The following KCNAB1 variants were observed in gnomAD, a reference collection of about 807,000 sequenced individuals.
KCNAB1 encodes the protein voltage-gated potassium channel subunit beta-1.
In KCNAB1, 35 loss-of-function variants were observed where a neutral mutation model predicts 64.6. That is an observed-to-expected ratio of 0.54 (90% CI 0.41 to 0.72). KCNAB1 has a LOEUF of 0.72. Ranked by LOEUF, KCNAB1 falls within the 30% of genes least tolerant of loss-of-function variation. The probability of loss-of-function intolerance (pLI) is 0.00; values close to 1 mark genes in which losing one functional copy is unlikely to be tolerated. For synonymous variants in KCNAB1, 177 were observed against 183.8 expected (o/e 0.96, Z 0.30); for missense variants, 401 against 512.9 (o/e 0.78, Z 2.11).
At chr3:156,181,141 A>G (rs935256922) in intron 1 of KCNAB1, among the ~76,000 whole-genome samples, 2 of 152,172 alleles carry the variant, frequency 1.3e-5, no homozygotes, top group African/African-American at 4.8e-5. Flanking sequence ...TTTTAATTTA[A>G]TTACCTCTTT....
chr3:156,418,145 C>A (rs1393015548), intron 1 of KCNAB1, among the ~76,000 whole-genome samples: 1 of 152,116 alleles, frequency 6.6e-6, no homozygotes, highest in Non-Finnish European at 1.5e-5. Flanking sequence ...TGCAGTGAAA[C>A]AATTTTGAAT....
intron 8 of KCNAB1, among the ~76,000 whole-genome samples, chr3:156,490,231 C>G (rs1363411694): frequency 6.6e-6 from 1 of 152,014 alleles, no homozygotes; most frequent in East Asian, 1.9e-4. Flanking sequence ...TTAACTGTCC[C>G]AGGAAAAATT....
chr3:156,233,898 G>A (rs1716689925), intron 1 of KCNAB1, among the ~76,000 whole-genome samples: 1 of 151,986 alleles, frequency 6.6e-6, no homozygotes, highest in Admixed American at 6.6e-5. Flanking sequence ...TGGGAAAAGA[G>A]TTAGAGTAGG....
chr3:156,279,282 C>A (rs1387693213), intron 1 of KCNAB1, among the ~76,000 whole-genome samples: 1 of 151,840 alleles, frequency 6.6e-6, no homozygotes, highest in African/African-American at 2.4e-5. Context: ...CATGTCCCTA[C>A]AAAGGACATG....
At chr3:156,280,982 C>T (rs1470112268) in intron 1 of KCNAB1, among the ~76,000 whole-genome samples, 3 of 151,018 alleles carry the variant, frequency 2.0e-5, no homozygotes, top group Middle Eastern at 3.5e-3. Context: ...ATTGCCCTGG[C>T]CAGAACTTCC....
intron 1 of KCNAB1, among the ~76,000 whole-genome samples, chr3:156,147,171 GC>G (rs1348969806): frequency 3.3e-5 from 5 of 152,174 alleles, no homozygotes; most frequent in African/African-American, 9.7e-5. Flanking sequence ...GTGCTTTCCA[GC>G]AGCATTAAAT....
At chr3:156,480,532 A>T (rs540796661) in intron 8 of KCNAB1, among the ~76,000 whole-genome samples, 11 of 147,122 alleles carry the variant, frequency 7.5e-5, no homozygotes, top group Middle Eastern at 3.5e-3. Context: ...GTATTTCTGA[A>T]CTTAAAGTAA....
Position 156,120,777 on chromosome 3 carries a change from A to G in KCNAB1, c.166A>G (p.Arg56Gly). 6.2e-7 allele frequency: 1 copy of G among 1,613,902 alleles called. No individual in the cohort carries two copies. Among genetic ancestry groups the G allele is most frequent in the Non-Finnish European group, 8.5e-7 (1 of 1,179,736 alleles). The change falls in exon 1 of 14, where the codon AGG (arginine) becomes GGG (glycine). Residue 56 changes from arginine (R) to glycine (G), a missense_variant. Arg to Gly is a moderately radical substitution (Grantham distance 125). Transcript: ENST00000490337. ...TAGTCCCTCAGGGGAAAGCCAGCTC[A>G]GGGCGCGTCAACTGGCTCTGCTGCG... The part of the protein sequence containing the change: ...SLSPSGESQL[R>G]ARQLALLREV...
chr3:156,438,583 C>T (rs899133319), intron 2 of KCNAB1, among the ~76,000 whole-genome samples: 3 of 152,176 alleles, frequency 2.0e-5, no homozygotes, highest in Non-Finnish European at 4.4e-5. Flanking sequence ...ACTTCTGCTA[C>T]TTCATATATT....
chr3:156,162,936 A>G (rs1486879105), intron 1 of KCNAB1, among the ~76,000 whole-genome samples: 1 of 152,222 alleles, frequency 6.6e-6, no homozygotes, highest in East Asian at 1.9e-4. Context: ...CACAAAGCCA[A>G]TTATATAATT....
intron 1 of KCNAB1, among the ~76,000 whole-genome samples, chr3:156,151,879 T>C (rs1436109439): frequency 6.6e-6 from 1 of 152,232 alleles, no homozygotes; most frequent in African/African-American, 2.4e-5. Flanking sequence ...GATGGCAATA[T>C]TTTGTTGTCA....
chr3:156,208,596 AGT>A (rs1297011457), intron 1 of KCNAB1, among the ~76,000 whole-genome samples: 2 of 152,090 alleles, frequency 1.3e-5, no homozygotes. Context: ...TTGTACTCTG[AGT>A]GTGTTATGAG....
In KCNAB1 at chr3:156,421,633, G is replaced by A. The variant is rs779267601; in HGVS notation, c.293G>A (p.Gly98Glu). The A allele has an allele frequency of 6.2e-7, 1 of 1,613,974 alleles. No individual in the cohort carries two copies. The highest frequency in any genetic ancestry group is 8.5e-7 in the Non-Finnish European group (1 of 1,179,914). Residue 98 changes from glycine (G) to glutamate (E), a missense_variant, in exon 2 of 14, where the codon GGA becomes GAA. Gly to Glu is a moderately conservative substitution (Grantham distance 98). Coordinates refer to ENST00000490337, the MANE Select transcript of KCNAB1 (RefSeq NM_172160.3). ...TATTATAGGAATCTTGGAAAATCAG[G>A]ACTCAGAGTTTCTTGCTTGGGTCTT... ...GMPHRNLGKSGLRVSCLGLGT... is the reference protein window; with the variant it reads ...GMPHRNLGKSELRVSCLGLGT...
intron 1 of KCNAB1, among the ~76,000 whole-genome samples, chr3:156,186,142 G>A (rs909695700): frequency 2.8e-4 from 43 of 152,320 alleles, no homozygotes; most frequent in African/African-American, 1.0e-3. Context: ...AATTCAAACG[G>A]ATGGTCCTTT....
At chr3:156,207,404 G>A (rs1376402000) in intron 1 of KCNAB1, among the ~76,000 whole-genome samples, 1 of 152,116 alleles carries the variant, frequency 6.6e-6, no homozygotes, top group Admixed American at 6.6e-5. Flanking sequence ...GTCTACCTTG[G>A]TTCTAGCAAA....
chr3:156,403,763 G>A (rs1274412164), intron 1 of KCNAB1, among the ~76,000 whole-genome samples: 1 of 152,076 alleles, frequency 6.6e-6, no homozygotes, highest in Admixed American at 6.5e-5. Flanking sequence ...GCGTAGTGGT[G>A]CACGTCTGTA....
At chr3:156,438,496 G>A (rs4680266) in intron 2 of KCNAB1, among the ~76,000 whole-genome samples, 100,931 of 152,144 alleles carry the variant, frequency 0.66, 33,810 homozygotes, top group East Asian at 0.76. Flanking sequence ...ACAGGTATGT[G>A]GTTAGAATTG....
intron 8 of KCNAB1, among the ~76,000 whole-genome samples, chr3:156,512,966 A>G (rs928775549): frequency 6.6e-6 from 1 of 152,252 alleles, no homozygotes; most frequent in Non-Finnish European, 1.5e-5. Context: ...TAATCCCAGT[A>G]CTTTGGGAGG....
At chr3:156,477,540 C>T (rs74654278) in intron 8 of KCNAB1, among the ~76,000 whole-genome samples, 1 of 152,126 alleles carries the variant, frequency 6.6e-6, no homozygotes, top group Admixed American at 6.5e-5. Flanking sequence ...TCTGGGAGGA[C>T]CCTGCAGGGA....
Sources: allele counts gnomAD v4.1 joint callset (sites outside exome capture counted in the v4.1 genomes callset), GRCh38; gene constraint gnomAD v4.1.1; transcripts MANE v1.5; gene names NCBI Gene and HGNC (gene_info 2026-07-23, HGNC 2026-07-21).